The following SCN1A variants were observed in gnomAD, a reference collection of about 807,000 sequenced individuals.
The protein encoded by SCN1A is sodium voltage-gated channel alpha subunit 1, also known as sodium channel protein type 1 subunit alpha.
SCN1A carries 13 observed loss-of-function variants against 193.7 expected under a neutral mutation model. The observed-to-expected ratio is 0.07, with a 90% CI of 0.04 to 0.11. SCN1A has a LOEUF of 0.11. Ranked by LOEUF, SCN1A falls within the 10% of genes least tolerant of loss-of-function variation. The probability of loss-of-function intolerance (pLI) is 1.00; values close to 1 mark genes in which losing one functional copy is unlikely to be tolerated. For synonymous variants in SCN1A, 781 were observed against 843.6 expected (o/e 0.93, Z 1.29); for missense variants, 1,432 against 2,451.1 (o/e 0.58, Z 8.78).
At chr2:166,145,949 T>C (rs1692303818) in intron 1 of SCN1A, among the ~76,000 whole-genome samples, 1 of 152,096 alleles carries the variant, frequency 6.6e-6, no homozygotes, top group Admixed American at 6.6e-5. Context: ...TTCAGATCTC[T>C]CAGGGAGGGG....
In SCN1A at chr2:165,991,574, C is replaced by T. The variant is rs1689155302; in HGVS notation, c.5701G>A (p.Val1901Ile). 2 of 1,613,892 alleles carry T rather than the reference C, an allele frequency of 1.2e-6. No individual in the cohort carries two copies. Among genetic ancestry groups the T allele is most frequent in the Non-Finnish European group, 1.7e-6 (2 of 1,179,914 alleles). Residue 1901 changes from valine to isoleucine, a missense_variant, in exon 29 of 29, where the codon GTC (valine) becomes ATC (isoleucine). Physicochemically the swap from Val to Ile is conservative, Grantham distance 29. Around this residue, in one of 18 missense-constraint regions of SCN1A, gnomAD observed 148 missense variants for 160.3 expected, o/e 0.92. Coordinates refer to ENST00000674923, the MANE Select transcript of SCN1A (RefSeq NM_001165963.4). Reference protein sequence around the residue: ...ERFMASNPSKVSYQPITTTLK... With the variant: ...ERFMASNPSKISYQPITTTLK... ...GTAGTAGTGATTGGCTGATAGGAGA[C>T]CTTGGAAGGATTGGAAGCCATGAAT... is the stretch of plus-strand genomic sequence containing the variant.
intron 2 of SCN1A, among the ~76,000 whole-genome samples, chr2:166,121,217 T>C (rs146250150): frequency 7.2e-5 from 11 of 152,168 alleles, no homozygotes; most frequent in South Asian, 4.2e-4. Context: ...CCACCAAAAG[T>C]CTACCAACTG....
chr2:166,056,550 A>G (rs375075442), intron 5 of SCN1A, 50 bp from the exon 6 acceptor site: 259 of 1,343,410 alleles, frequency 1.9e-4, no homozygotes, highest in Non-Finnish European at 2.4e-4. Context: ...TCCAAGTGTT[A>G]TATTACAAAA....
At chr2:166,107,161 T>C (rs1053002711) in intron 2 of SCN1A, among the ~76,000 whole-genome samples, 1 of 152,194 alleles carries the variant, frequency 6.6e-6, no homozygotes, top group African/African-American at 2.4e-5. Flanking sequence ...CACTAGCACT[T>C]TTCTGAAACA....
intron 1 of SCN1A, among the ~76,000 whole-genome samples, chr2:166,136,536 T>C (rs1691866552): frequency 6.6e-6 from 1 of 152,206 alleles, no homozygotes; most frequent in South Asian, 2.1e-4. Flanking sequence ...TATGTATCTC[T>C]ATCTGCCCTA....
chr2:166,127,769 A>T lies in SCN1A; in HGVS notation c.-229+2T>A, dbSNP rs1343567942. The T allele has an allele frequency of 6.6e-6, 1 of 152,192 alleles. No homozygotes were observed. Among genetic ancestry groups the T allele is most frequent in the African/African-American group, 2.4e-5 (1 of 41,454 alleles). 9.4% of individuals were successfully genotyped at this position (152,192 alleles called of 1,614,324 possible). On this transcript the variant is annotated splice_donor_variant, in intron 1 of 28. Coordinates refer to ENST00000674923, the MANE Select transcript of SCN1A (RefSeq NM_001165963.4). LOFTEE classifies it low-confidence loss of function (5UTR_SPLICE). ...TCAAGATGAAACAATTAGATGGCTT[A>T]CCTGATTAAAAGGAAAATTATCCAT...
chr2:166,120,261 T>C (rs904880709), intron 2 of SCN1A, among the ~76,000 whole-genome samples: 8 of 151,652 alleles, frequency 5.3e-5, no homozygotes, highest in African/African-American at 1.9e-4. Context: ...AGATGTAATA[T>C]TCTATTTTTA....
At chr2:165,995,134 C>A (rs770296905) in intron 27 of SCN1A, among the ~76,000 whole-genome samples, 4 of 151,832 alleles carry the variant, frequency 2.6e-5, no homozygotes, top group Admixed American at 1.3e-4. Context: ...AGGCTTATTT[C>A]TTTGGGCCAC....
At chr2:166,115,244 C>T (rs769589956) in intron 2 of SCN1A, among the ~76,000 whole-genome samples, 3 of 151,940 alleles carry the variant, frequency 2.0e-5, no homozygotes, top group East Asian at 1.9e-4. Context: ...TTGTAGTCCC[C>T]GCCACTTGGG....
Position 166,110,258 on chromosome 2 carries a change from G to A in SCN1A, c.-142+16666C>T, listed in dbSNP as rs147760685. Reference sequence around the variant, plus strand: ...GAATGTTTCTCACTTTAAATTAAAAGCTAGAAATAATTAAGCTTTGTGAGG... The same window carrying A: ...GAATGTTTCTCACTTTAAATTAAAAACTAGAAATAATTAAGCTTTGTGAGG... On this transcript the variant is annotated intron_variant, in intron 2 of 28. Transcript: ENST00000674923. Among the ~76,000 whole-genome samples, 360 of 152,164 alleles carry A rather than the reference G, an allele frequency of 2.4e-3. 1 individual carries two copies. The highest frequency in any genetic ancestry group is 7.9e-3 in the African/African-American group (329 of 41,528).
intron 2 of SCN1A, among the ~76,000 whole-genome samples, chr2:166,114,681 A>C (rs573834): frequency 0.78 from 118,965 of 152,054 alleles, 47,383 homozygotes; most frequent in Non-Finnish European, 0.86. Context: ...ATGCAACTAA[A>C]ATGAAATAAA....
intron 17 of SCN1A, 103 bp downstream of exon 17, chr2:166,039,320 C>T: frequency 1.7e-6 from 2 of 1,168,234 alleles, no homozygotes; most frequent in Non-Finnish European, 1.2e-6. Flanking sequence ...GAAAAACTTA[C>T]AATGCTAATG....
intron 2 of SCN1A, among the ~76,000 whole-genome samples, chr2:166,124,007 A>G (rs1388277426): frequency 6.6e-6 from 1 of 151,820 alleles, no homozygotes; most frequent in African/African-American, 2.4e-5. Context: ...CTTTTTCTCC[A>G]CCTCTTTCAT....
intron 19 of SCN1A, among the ~76,000 whole-genome samples, chr2:166,024,292 GA>G (rs1486084821): frequency 1.3e-5 from 2 of 152,138 alleles, no homozygotes; most frequent in Admixed American, 1.3e-4. Flanking sequence ...TGACCAAGGA[GA>G]AGCAAATAGC....
At chr2:166,030,155 T>C (rs888900385) in intron 19 of SCN1A, among the ~76,000 whole-genome samples, 1 of 152,176 alleles carries the variant, frequency 6.6e-6, no homozygotes, top group African/African-American at 2.4e-5. Context: ...ACTATTAAGA[T>C]TTAGTGTAGC....
At chr2:166,113,315 A>G (rs1013840275) in intron 2 of SCN1A, among the ~76,000 whole-genome samples, 1 of 152,154 alleles carries the variant, frequency 6.6e-6, no homozygotes, top group Admixed American at 6.6e-5. Context: ...GAATCTAAGT[A>G]CTTAAGAGTA....
At chr2:166,085,146 A>G (rs1281176793) in intron 2 of SCN1A, among the ~76,000 whole-genome samples, 4 of 152,068 alleles carry the variant, frequency 2.6e-5, no homozygotes, top group East Asian at 1.9e-4. Flanking sequence ...TGCCATCCCT[A>G]TTGGACTCAA....
chr2:166,063,924 T>G (rs1683577873), intron 4 of SCN1A, among the ~76,000 whole-genome samples: 1 of 152,100 alleles, frequency 6.6e-6, no homozygotes, highest in Non-Finnish European at 1.5e-5. Flanking sequence ...TCTGCTATAT[T>G]GGGCAGCACA....
chr2:166,052,109 G>A, intron 8 of SCN1A, 121 bp from the exon 9 acceptor site: 1 of 836,416 alleles, frequency 1.2e-6, no homozygotes, highest in Non-Finnish European at 1.9e-6. Flanking sequence ...CAACGCTAGT[G>A]GAGAAGCAAC....
Sources: gnomAD v4.1 joint callset for allele counts (sites outside exome capture counted in the v4.1 genomes callset) on GRCh38, gnomAD v4.1.1 for gene constraint, gnomAD v4.1.1 regional missense constraint, MANE v1.5 for transcripts, NCBI Gene and HGNC (gene_info 2026-07-23, HGNC 2026-07-21) for gene names.